Variants in CDIN1 observed in about 807,000 individuals in gnomAD.
The protein encoded by CDIN1 is CDAN1-interacting nuclease 1.
Under a neutral mutation model 45.3 loss-of-function variants are expected in CDIN1, and 33 were observed. The observed-to-expected ratio is 0.73, with a 90% CI of 0.55 to 0.97. The LOEUF is 0.97. Among genes scored for constraint, CDIN1 ranks in the 50% least tolerant of loss-of-function variants. The pLI is 0.00. For missense variants in CDIN1, 303 were observed against 339.4 expected (o/e 0.89, Z 0.84); for synonymous variants, 118 against 124.4 (o/e 0.95, Z 0.34).
intron 1 of CDIN1, chr15:36,594,818 AT>A (rs34509141): frequency 0.011 from 7,978 of 721,964 alleles, no homozygotes; most frequent in South Asian, 0.018. Context: ...GGCACTTAAA[AT>A]TTTTTTTTTT....
chr15:36,608,481 G>A (rs1256202885), intron 1 of CDIN1, among the ~76,000 whole-genome samples: 3 of 151,986 alleles, frequency 2.0e-5, no homozygotes, highest in Non-Finnish European at 4.4e-5. Context: ...TTGAAGAAAT[G>A]TCTATCTACA....
chr15:36,633,785 TCTCA>T (rs2039782372), intron 1 of CDIN1, among the ~76,000 whole-genome samples: 1 of 146,424 alleles, frequency 6.8e-6, no homozygotes, highest in South Asian at 2.2e-4. Context: ...TGAGACAGAG[TCTCA>T]CTCTGTCACC....
intron 5 of CDIN1, among the ~76,000 whole-genome samples, chr15:36,672,425 C>T (rs2041485121): frequency 6.6e-6 from 1 of 151,864 alleles, no homozygotes; most frequent in South Asian, 2.1e-4. Context: ...TCAGGAAAGC[C>T]AAAAACAGAC....
Position 36,691,755 on chromosome 15 carries a change from G to A in CDIN1, c.417G>A (p.Gln139=), listed in dbSNP as rs746403631. The change falls in exon 6 of 11, where the codon CAG becomes CAA. Residue 139 remains glutamine, a synonymous_variant. Coordinates refer to ENST00000566621, the MANE Select transcript of CDIN1 (RefSeq NM_001321759.2). ...SQIPDGVLAN[Q]VYQCIVNDCC... is the part of the protein sequence containing the mutation. ...TTCCAGATGGAGTTCTAGCAAATCA[G>A]GTCTATCAGGTATTAATCACAGCTG... 17 of 1,593,330 alleles carry A rather than the reference G, an allele frequency of 1.1e-5. 2 individuals are homozygous for A. The highest frequency in any genetic ancestry group is 8.6e-6 in the Non-Finnish European group (10 of 1,166,550).
At chr15:36,779,704 C>T (rs1461210084) in intron 10 of CDIN1, among the ~76,000 whole-genome samples, 3 of 152,176 alleles carry the variant, frequency 2.0e-5, no homozygotes, top group African/African-American at 7.2e-5. Context: ...ATCTTAGCAC[C>T]TGCACTTATT....
chr15:36,751,229 T>TTATATATATATATATAGATATATA (rs2053458551), intron 10 of CDIN1, among the ~76,000 whole-genome samples: 2 of 97,612 alleles, frequency 2.0e-5, no homozygotes, highest in South Asian at 8.1e-4. Context: ...TATGCTTATT[T>TTATATATATATATATAGATATATA]TATATATATA....
intron 10 of CDIN1, among the ~76,000 whole-genome samples, chr15:36,715,428 T>G (rs1339269983): frequency 6.6e-6 from 1 of 152,176 alleles, no homozygotes; most frequent in Non-Finnish European, 1.5e-5. Context: ...AGGAAGATAT[T>G]TTTCAGAGCA....
intron 8 of CDIN1, among the ~76,000 whole-genome samples, chr15:36,701,730 G>A (rs2042652728): frequency 2.0e-5 from 3 of 152,092 alleles, no homozygotes. Context: ...AGTGACACCT[G>A]GGAGGCATTT....
chr15:36,681,530 A>G (rs1319603049), intron 5 of CDIN1, among the ~76,000 whole-genome samples: 1 of 152,186 alleles, frequency 6.6e-6, no homozygotes, highest in Non-Finnish European at 1.5e-5. Context: ...CAAATTGGTT[A>G]AAGGCATATA....
At chr15:36,806,469 TCA>T (rs746458961) in intron 10 of CDIN1, among the ~76,000 whole-genome samples, 6 of 152,330 alleles carry the variant, frequency 3.9e-5, no homozygotes, top group African/African-American at 7.2e-5. Context: ...ACTTGTTAGA[TCA>T]CAGTTTTTTT....
intron 10 of CDIN1, among the ~76,000 whole-genome samples, chr15:36,794,059 C>CTTT (rs1348220036): frequency 1.4e-3 from 66 of 48,746 alleles, no homozygotes; most frequent in African/African-American, 2.1e-3. Flanking sequence ...GCCATCATAA[C>CTTT]TATTTTTTTT....
intron 10 of CDIN1, among the ~76,000 whole-genome samples, chr15:36,741,781 A>G (rs911872480): frequency 2.6e-5 from 4 of 152,122 alleles, no homozygotes; most frequent in Admixed American, 2.0e-4. Context: ...TAGTCATTCA[A>G]TTAGGGACAC....
intron 1 of CDIN1, among the ~76,000 whole-genome samples, chr15:36,589,087 A>G (rs2037446078): frequency 1.3e-5 from 2 of 152,236 alleles, no homozygotes; most frequent in Admixed American, 1.3e-4. Flanking sequence ...TCTCTAGGGG[A>G]AAAAAAGGTT....
chr15:36,689,126 A>T (rs1284322741), intron 5 of CDIN1, among the ~76,000 whole-genome samples: 4 of 152,228 alleles, frequency 2.6e-5, no homozygotes, highest in Admixed American at 2.0e-4. Context: ...TCAGACTTTT[A>T]AAAAAAAGTT....
intron 10 of CDIN1, among the ~76,000 whole-genome samples, chr15:36,736,269 T>C (rs2044015363): frequency 6.6e-6 from 1 of 152,176 alleles, no homozygotes; most frequent in African/African-American, 2.4e-5. Flanking sequence ...CTTCCTTTCC[T>C]CAGTTTTCCC....
chr15:36,781,037 T>C (rs1460856352), intron 10 of CDIN1, among the ~76,000 whole-genome samples: 1 of 152,210 alleles, frequency 6.6e-6, no homozygotes, highest in Admixed American at 6.5e-5. Context: ...AGTATGTAAC[T>C]CTAGATTTAG....
intron 5 of CDIN1, among the ~76,000 whole-genome samples, chr15:36,675,465 A>G (rs1334557195): frequency 6.6e-6 from 1 of 152,100 alleles, no homozygotes; most frequent in African/African-American, 2.4e-5. Flanking sequence ...GTTGCTTCAG[A>G]GACTAATTGC....
intron 10 of CDIN1, among the ~76,000 whole-genome samples, chr15:36,732,643 A>G (rs1273728247): frequency 6.6e-6 from 1 of 152,118 alleles, no homozygotes; most frequent in Non-Finnish European, 1.5e-5. Flanking sequence ...AGGGAAAGAA[A>G]GATTTAAAGA....
intron 1 of CDIN1, among the ~76,000 whole-genome samples, chr15:36,615,464 AGTCCC>A (rs953475140): frequency 6.6e-6 from 1 of 152,252 alleles, no homozygotes; most frequent in African/African-American, 2.4e-5. Context: ...ATAAAGAACC[AGTCCC>A]TCCAAAAATG....
Sources: gnomAD v4.1 joint callset for allele counts (sites outside exome capture counted in the v4.1 genomes callset) on GRCh38, gnomAD v4.1.1 for gene constraint, MANE v1.5 for transcripts, NCBI Gene and HGNC (gene_info 2026-07-23, HGNC 2026-07-21) for gene names.